Variants in KCNC4 observed in about 807,000 individuals in gnomAD.
KCNC4 encodes the protein potassium voltage-gated channel subfamily C member 4.
A neutral mutation model predicts 42.8 loss-of-function variants in KCNC4; 23 were observed. The ratio of observed to expected loss-of-function variants is 0.54; its 90% CI spans 0.39 to 0.76. The LOEUF is 0.76. Ranked by LOEUF, KCNC4 falls within the 30% of genes least tolerant of loss-of-function variation. The pLI, the probability that KCNC4 is intolerant of heterozygous loss-of-function variation, is 0.00. For synonymous variants in KCNC4, 422 were observed against 393.5 expected (o/e 1.07, Z -0.86); for missense variants, 751 against 898.2 (o/e 0.84, Z 2.10).
At chr1:110,225,869 C>T (rs1658358502) in intron 2 of KCNC4, 106 bp from the exon 3 acceptor site, 1 of 1,111,810 alleles carries the variant, frequency 9.0e-7, no homozygotes, top group Non-Finnish European at 1.3e-6. Context: ...CTAGGCCCCT[C>T]CCAAGGTTGA....
At chr1:110,212,312 A>G (rs1657521356) in intron 1 of KCNC4, 135 bp downstream of exon 1, 2 of 961,600 alleles carry the variant, frequency 2.1e-6, no homozygotes, top group Non-Finnish European at 2.8e-6. Context: ...CCTTCCTCTC[A>G]ACCCCCCTCC....
chr1:110,266,907 T>C (rs1176514202), intron 1 of KCNC4, among the ~76,000 whole-genome samples: 1 of 116,094 alleles, frequency 8.6e-6, no homozygotes, highest in African/African-American at 3.6e-5. Context: ...TCTTAGCTCC[T>C]GGTTAGTTCT....
intron 1 of KCNC4, among the ~76,000 whole-genome samples, chr1:110,254,451 A>G (rs1410134276): frequency 1.3e-5 from 2 of 152,208 alleles, no homozygotes; most frequent in South Asian, 4.1e-4. Flanking sequence ...CCAGAGAGTC[A>G]TGGTCATTTT....
intron 1 of KCNC4, among the ~76,000 whole-genome samples, chr1:110,281,091 G>A (rs1200112076): frequency 6.6e-6 from 1 of 152,128 alleles, no homozygotes. Flanking sequence ...GGGGGCTTCT[G>A]GATAGCAAGG....
chr1:110,214,058 C>T (rs1016812664), intron 1 of KCNC4, among the ~76,000 whole-genome samples: 7 of 152,216 alleles, frequency 4.6e-5, no homozygotes, highest in African/African-American at 1.4e-4. Context: ...TAACTCACTG[C>T]TGAATGGCCA....
At position 110,212,126 on chromosome 1, in the gene KCNC4, G is replaced by T. The variant is rs2100978870; in HGVS notation, c.627G>T (p.Gln209His). ...GAGSGGCRGW[Q>H]PRMWALFEDP... ...GGTCTGGGGGCTGCCGCGGCTGGCA[G>T]CCCCGCATGTGGGCGCTCTTCGAGG... is the stretch of plus-strand genomic sequence containing the variant. The change falls in exon 1 of 4, where the codon CAG becomes CAT. Residue 209 changes from glutamine to histidine, a missense_variant. Gln to His is a conservative substitution (Grantham distance 24). Coordinates refer to ENST00000438661, the MANE Select transcript of KCNC4 (RefSeq NM_001039574.3). 1 of 1,504,798 alleles carries T rather than the reference G, an allele frequency of 6.6e-7. No homozygotes were observed. Among genetic ancestry groups the T allele is most frequent in the East Asian group, 2.6e-5 (1 of 38,436 alleles). 93.2% of individuals were successfully genotyped at this position (1,504,798 alleles called of 1,614,324 possible). A position where few individuals can be genotyped will look rare whatever the true frequency, so the allele number is the denominator to read the frequency against.
chr1:110,213,571 C>T (rs1015636593), intron 1 of KCNC4, among the ~76,000 whole-genome samples: 5 of 152,224 alleles, frequency 3.3e-5, no homozygotes, highest in Admixed American at 6.5e-5. Context: ...GAGCAGAGGT[C>T]TCAGGGGCCA....
At chr1:110,245,123 A>C (rs1659116728) in exon 4 of KCNC4, 1 of 152,212 alleles carries the variant, frequency 6.6e-6, no homozygotes, top group African/African-American at 2.4e-5. Context: ...CAGCCTCCCC[A>C]TGAGGGGCTG....
intron 1 of KCNC4, among the ~76,000 whole-genome samples, chr1:110,261,665 A>G (rs1011392443): frequency 4.6e-5 from 7 of 152,216 alleles, no homozygotes; most frequent in Non-Finnish European, 1.0e-4. Flanking sequence ...ATATTCCTTT[A>G]CTGGGCAGCA....
At chr1:110,263,311 T>TG (rs1444642785) in intron 1 of KCNC4, among the ~76,000 whole-genome samples, 3 of 150,784 alleles carry the variant, frequency 2.0e-5, no homozygotes, top group African/African-American at 7.4e-5. Context: ...TTTTGGTGCA[T>TG]GAGGCATGCT....
chr1:110,246,443 G>T (rs1037057344), exon 4 of KCNC4: 2 of 152,192 alleles, frequency 1.3e-5, no homozygotes, highest in African/African-American at 4.8e-5. Flanking sequence ...CCTTGAACAA[G>T]CTTTTGCTAA....
intron 1 of KCNC4, among the ~76,000 whole-genome samples, chr1:110,272,951 T>C (rs1021349510): frequency 1.3e-5 from 2 of 152,256 alleles, no homozygotes; most frequent in Non-Finnish European, 2.9e-5. Context: ...ATAAAAATGC[T>C]CACTCCCAAG....
intron 1 of KCNC4, among the ~76,000 whole-genome samples, chr1:110,271,975 T>A (rs74118453): frequency 0.014 from 2,162 of 152,296 alleles, 33 homozygotes; most frequent in African/African-American, 0.05. Flanking sequence ...CACACCATGA[T>A]GGACAGATCC....
intron 3 of KCNC4, among the ~76,000 whole-genome samples, chr1:110,227,395 T>C (rs185483361): frequency 1.3e-5 from 2 of 152,326 alleles, no homozygotes; most frequent in East Asian, 3.9e-4. Context: ...AACCAGCCCC[T>C]GAAAGGTGTG....
chr1:110,231,984 G>A (rs912773051), intron 3 of KCNC4, among the ~76,000 whole-genome samples: 10 of 152,112 alleles, frequency 6.6e-5, no homozygotes, highest in Admixed American at 3.3e-4. Flanking sequence ...CCTCAGACCC[G>A]AGAGCTGCAG....
Position 110,223,131 on chromosome 1 carries a change from C to G in KCNC4, c.846C>G (p.Thr282=). ...RREVETEPIL[T]YIEGVCVLWF... ...AGGTAGAGACAGAGCCCATCCTGAC[C>G]TACATCGAGGGCGTATGTGTGCTGT... The change falls in exon 2 of 4, where the codon ACC becomes ACG. Residue 282 remains threonine (T), a synonymous_variant. Coordinates refer to ENST00000438661, the MANE Select transcript of KCNC4 (RefSeq NM_001039574.3). This position sits in a 1 kb window ranked among gnomAD's most constrained non-coding sequence, Gnocchi z 7.5. 2 of 1,614,238 alleles carry G rather than the reference C, an allele frequency of 1.2e-6. No individual in the cohort carries two copies. Among genetic ancestry groups the G allele is most frequent in the Non-Finnish European group, 1.7e-6 (2 of 1,180,040 alleles).
intron 1 of KCNC4, among the ~76,000 whole-genome samples, chr1:110,262,830 A>C (rs1296690977): frequency 2.0e-5 from 3 of 152,074 alleles, no homozygotes; most frequent in Non-Finnish European, 4.4e-5. Context: ...GCTTTCCTAT[A>C]GTGCTTACCT....
rs1014024248 is a variant in KCNC4 at position 110,211,003 on chromosome 1, G to A, written c.-497G>A. 1.6e-4 allele frequency among the ~76,000 whole-genome samples: 25 copies of A among 152,338 alleles called. No individual in the cohort carries two copies. Among genetic ancestry groups the A allele is most frequent in the African/African-American group, 5.8e-4 (24 of 41,592 alleles). ...GGCCTGGCCCCGGCAGCCGCTCGGA[G>A]GACTTGTTGCTGCTGCGCTGCCGCC... is the stretch of plus-strand genomic sequence containing the variant. On this transcript the variant is annotated 5_prime_UTR_variant, in exon 1 of 4. Coordinates refer to ENST00000438661, the MANE Select transcript of KCNC4 (RefSeq NM_001039574.3). The surrounding 1 kb of genome is among the most constrained non-coding windows in gnomAD (Gnocchi z 6.5).
At chr1:110,229,068 G>A (rs1450278831) in intron 3 of KCNC4, 2 of 152,364 alleles carry the variant, frequency 1.3e-5, no homozygotes, top group East Asian at 3.9e-4. Flanking sequence ...GCCTTGTTGG[G>A]GAGCCACGCC....
Sources: gnomAD v4.1 joint callset for allele counts (sites outside exome capture counted in the v4.1 genomes callset) on GRCh38, gnomAD v4.1.1 for gene constraint, Gnocchi (gnomAD v3.1) non-coding constraint, MANE v1.5 for transcripts, NCBI Gene and HGNC (gene_info 2026-07-23, HGNC 2026-07-21) for gene names.